AGBL4: variants seen among roughly 807,000 people sequenced by gnomAD.
AGBL4 encodes the protein cytosolic carboxypeptidase 6.
A neutral mutation model predicts 66.4 loss-of-function variants in AGBL4; 58 were observed. The observed-to-expected ratio is 0.87, with a 90% CI of 0.71 to 1.09. The LOEUF is 1.09. Among genes scored for constraint, AGBL4 ranks in the 50% least tolerant of loss-of-function variants. The probability of loss-of-function intolerance (pLI) is 0.00; values close to 1 mark genes in which losing one functional copy is unlikely to be tolerated. For missense variants in AGBL4, 579 were observed against 631.0 expected, an observed-to-expected ratio of 0.92 and a Z score of 0.88; for synonymous variants, 234 against 222.9, an observed-to-expected ratio of 1.05 and a Z score of -0.44.
Position 49,067,897 on chromosome 1 carries a change from C to T in AGBL4, c.378-22097G>A, listed in dbSNP as rs977701109. Among the ~76,000 whole-genome samples, 54 of 151,388 alleles carry T rather than the reference C, an allele frequency of 3.6e-4. 1 individual carries two copies. The highest frequency in any genetic ancestry group is 3.5e-3 in the Admixed American group (53 of 15,158). On this transcript the variant is annotated intron_variant, in intron 4 of 13. Transcript: ENST00000371839. ...CATTAGGTATTTCTCGTAATGCTAT[C>T]CCTCCCCCAGCCCCCCACACCCCGA...
chr1:48,714,233 A>C (rs1647012373), intron 6 of AGBL4, among the ~76,000 whole-genome samples: 1 of 152,108 alleles, frequency 6.6e-6, no homozygotes, highest in African/African-American at 2.4e-5. Context: ...CTACATTTGG[A>C]TGTTGCTTTC....
At chr1:49,738,643 G>C (rs1650119449) in intron 2 of AGBL4, among the ~76,000 whole-genome samples, 1 of 152,180 alleles carries the variant, frequency 6.6e-6, no homozygotes, top group African/African-American at 2.4e-5. Context: ...AGCCTAACTG[G>C]GAGGCACCCC....
At chr1:48,744,049 G>A (rs1317658825) in intron 6 of AGBL4, among the ~76,000 whole-genome samples, 1 of 152,174 alleles carries the variant, frequency 6.6e-6, no homozygotes. Context: ...GAGATTTCAG[G>A]TCCCATTCCT....
At chr1:49,554,520 G>C (rs909962712) in intron 3 of AGBL4, among the ~76,000 whole-genome samples, 1 of 152,146 alleles carries the variant, frequency 6.6e-6, no homozygotes, top group African/African-American at 2.4e-5. Flanking sequence ...AGGCTCATTA[G>C]TGATGTTTTT....
At chr1:49,882,891 G>A (rs2148147374) in intron 1 of AGBL4, among the ~76,000 whole-genome samples, 1 of 152,220 alleles carries the variant, frequency 6.6e-6, no homozygotes, top group East Asian at 1.9e-4. Flanking sequence ...TGGAGATTAG[G>A]GAGGCTAGTG....
chr1:49,882,129 A>G lies in AGBL4; in HGVS notation c.35-30611T>C, dbSNP rs923121197. Reference sequence around the variant, plus strand: ...ATGGCTAGCCAGTTTTCCAAGCACCATTTATTAAATAGGGAATCCTTTCCC... The same window carrying G: ...ATGGCTAGCCAGTTTTCCAAGCACCGTTTATTAAATAGGGAATCCTTTCCC... On this transcript the variant is annotated intron_variant, in intron 1 of 13. Transcript: ENST00000371839. 1.4e-4 allele frequency among the ~76,000 whole-genome samples: 22 copies of G among 152,018 alleles called. 1 individual carries two copies. Among genetic ancestry groups the G allele is most frequent in the African/African-American group, 4.6e-4 (19 of 41,324 alleles).
intron 2 of AGBL4, among the ~76,000 whole-genome samples, chr1:49,792,755 C>G (rs537945425): frequency 1.3e-5 from 2 of 152,098 alleles, no homozygotes; most frequent in Admixed American, 6.5e-5. Context: ...CCCATCCAAC[C>G]TCCAAACTGT....
chr1:49,780,610 G>C (rs972156473), intron 2 of AGBL4, among the ~76,000 whole-genome samples: 25 of 152,120 alleles, frequency 1.6e-4, no homozygotes, highest in Non-Finnish European at 3.2e-4. Context: ...AAGAAAGGGG[G>C]AGCTCTACAG....
chr1:48,541,017 G>A (rs1269131002), intron 11 of AGBL4, among the ~76,000 whole-genome samples: 1 of 152,166 alleles, frequency 6.6e-6, no homozygotes, highest in African/African-American at 2.4e-5. Context: ...TTACCGTACT[G>A]TTCATAGTCA....
intron 6 of AGBL4, among the ~76,000 whole-genome samples, chr1:48,785,351 C>G (rs1645384873): frequency 6.6e-6 from 1 of 152,154 alleles, no homozygotes; most frequent in African/African-American, 2.4e-5. Flanking sequence ...TGAATGAGTG[C>G]ATGTCTGAAA....
intron 5 of AGBL4, among the ~76,000 whole-genome samples, chr1:48,946,195 C>T (rs1237278424): frequency 6.6e-6 from 1 of 152,170 alleles, no homozygotes; most frequent in Non-Finnish European, 1.5e-5. Flanking sequence ...GGTATGTGTG[C>T]TCTATCACCC....
At chr1:48,955,682 C>T (rs926041585) in intron 5 of AGBL4, among the ~76,000 whole-genome samples, 1 of 152,104 alleles carries the variant, frequency 6.6e-6, no homozygotes, top group Non-Finnish European at 1.5e-5. Flanking sequence ...TATGCCTGGC[C>T]CCTGGGCCTC....
intron 3 of AGBL4, among the ~76,000 whole-genome samples, chr1:49,352,151 A>G (rs1184181940): frequency 6.6e-6 from 1 of 152,128 alleles, no homozygotes; most frequent in Non-Finnish European, 1.5e-5. Context: ...TCTTCATTCA[A>G]CATACTCACA....
intron 6 of AGBL4, among the ~76,000 whole-genome samples, chr1:48,822,375 A>C (rs779400392): frequency 1.4e-4 from 21 of 152,230 alleles, no homozygotes; most frequent in Non-Finnish European, 1.9e-4. Context: ...TACATGCAAC[A>C]ATCTGGATGA....
chr1:49,640,462 G>C (rs1645758606), intron 3 of AGBL4, among the ~76,000 whole-genome samples: 1 of 150,566 alleles, frequency 6.6e-6, no homozygotes. Context: ...TTTTCCCTCA[G>C]AGTGTTGCTT....
Position 48,817,163 on chromosome 1 carries a change from A to C in AGBL4, c.634+50028T>G, listed in dbSNP as rs536915817. Among the ~76,000 whole-genome samples, 4 of 152,224 alleles carry C rather than the reference A, an allele frequency of 2.6e-5. No homozygotes were observed. In the South Asian group the frequency reaches 8.3e-4, roughly 32 times the overall value. On this transcript the variant is annotated intron_variant, in intron 6 of 13. Coordinates refer to ENST00000371839, the MANE Select transcript of AGBL4 (RefSeq NM_032785.4). Reference sequence around the variant, plus strand: ...TTATGAAAGCCAGAGATGAGCGCCCACCCCTCTCCCAACGTATGACATTTT... The same window carrying C: ...TTATGAAAGCCAGAGATGAGCGCCCCCCCCTCTCCCAACGTATGACATTTT...
chr1:49,901,590 A>G (rs1649771867), intron 1 of AGBL4, among the ~76,000 whole-genome samples: 1 of 152,234 alleles, frequency 6.6e-6, no homozygotes, highest in African/African-American at 2.4e-5. Context: ...GGAGGAATCA[A>G]TATGGTTAAA....
At chr1:48,874,113 C>T (rs983689017) in intron 5 of AGBL4, among the ~76,000 whole-genome samples, 2 of 152,222 alleles carry the variant, frequency 1.3e-5, no homozygotes, top group South Asian at 2.1e-4. Context: ...CAGGCATTCT[C>T]CTGTCACTCC....
At chr1:48,587,703 C>T (rs944168665) in intron 10 of AGBL4, among the ~76,000 whole-genome samples, 15 of 151,200 alleles carry the variant, frequency 9.9e-5, no homozygotes, top group African/African-American at 2.9e-4. Flanking sequence ...AGTACAGTGG[C>T]GCGATCTTGG....
Sources: gnomAD v4.1 joint callset for allele counts (sites outside exome capture counted in the v4.1 genomes callset) on GRCh38, gnomAD v4.1.1 for gene constraint, MANE v1.5 for transcripts, NCBI Gene and HGNC (gene_info 2026-07-23, HGNC 2026-07-21) for gene names.